ELMO1: variants seen among roughly 807,000 people sequenced by gnomAD.
The protein encoded by ELMO1 is engulfment and cell motility 1, also known as engulfment and cell motility protein 1.
A neutral mutation model predicts 98.9 loss-of-function variants in ELMO1; 26 were observed. That is an observed-to-expected ratio of 0.26 (90% CI 0.19 to 0.36). The LOEUF is 0.36. Ranked by LOEUF, ELMO1 falls within the 10% of genes least tolerant of loss-of-function variation. The probability of loss-of-function intolerance (pLI) is 1.00; values close to 1 mark genes in which losing one functional copy is unlikely to be tolerated. For missense variants in ELMO1, 627 were observed against 935.2 expected, an observed-to-expected ratio of 0.67 and a Z score of 4.30; for synonymous variants, 346 against 346.0, an observed-to-expected ratio of 1.00 and a Z score of 0.00.
At position 36,961,882 on chromosome 7, in the gene ELMO1, C is replaced by T. The variant is rs372429939; in HGVS notation, c.1437+51417G>A. On this transcript the variant is annotated intron_variant, in intron 16 of 21. Transcript: ENST00000310758. Reference sequence around the variant, plus strand: ...GCATGTAAATAGTATTGTCCCAGAGCAAATCTTCAGTTTCAACTACCTGCT... The same window carrying T: ...GCATGTAAATAGTATTGTCCCAGAGTAAATCTTCAGTTTCAACTACCTGCT... Among the ~76,000 whole-genome samples the T allele has an allele frequency of 1.5e-4, 23 of 152,312 alleles. No individual in the cohort carries two copies. In the East Asian group the frequency reaches 2.5e-3, roughly 17 times the overall value.
intron 20 of ELMO1, among the ~76,000 whole-genome samples, chr7:36,868,166 A>G (rs1368534978): frequency 6.6e-6 from 1 of 152,188 alleles, no homozygotes; most frequent in Non-Finnish European, 1.5e-5. Context: ...TATCAGTTTC[A>G]TAACTCATGG....
At chr7:37,009,814 T>C (rs1793422594) in intron 16 of ELMO1, among the ~76,000 whole-genome samples, 1 of 152,230 alleles carries the variant, frequency 6.6e-6, no homozygotes, top group African/African-American at 2.4e-5. Flanking sequence ...ATTTCTGAAT[T>C]TGAATTTGGA....
chr7:37,033,259 A>G (rs1794979444), intron 15 of ELMO1: 1 of 400,740 alleles, frequency 2.5e-6, no homozygotes, highest in African/African-American at 2.1e-5. Context: ...GCTAAGTCCA[A>G]ATTGTTCCCC....
intron 16 of ELMO1, 123 bp downstream of exon 16, chr7:37,013,176 A>C: frequency 8.0e-7 from 1 of 1,249,670 alleles, no homozygotes; most frequent in Non-Finnish European, 1.1e-6. Flanking sequence ...TGAAGCAACT[A>C]TCATTGCAAT....
At chr7:37,367,337 C>T (rs1801944999) in intron 1 of ELMO1, among the ~76,000 whole-genome samples, 1 of 152,204 alleles carries the variant, frequency 6.6e-6, no homozygotes, top group African/African-American at 2.4e-5. Flanking sequence ...CAATGTTACA[C>T]ACCGGTCTAT....
chr7:37,433,820 T>C (rs538088875), intron 1 of ELMO1, among the ~76,000 whole-genome samples: 1 of 152,224 alleles, frequency 6.6e-6, no homozygotes, highest in African/African-American at 2.4e-5. Context: ...CCCCTGTACA[T>C]GCGCTGTCTC....
intron 16 of ELMO1, among the ~76,000 whole-genome samples, chr7:36,906,131 C>T (rs1404984537): frequency 2.0e-5 from 3 of 152,218 alleles, no homozygotes; most frequent in African/African-American, 7.2e-5. Flanking sequence ...CTGCTGAACT[C>T]AGAGGAAATC....
chr7:37,311,663 G>C (rs572798062), intron 4 of ELMO1, among the ~76,000 whole-genome samples: 2 of 152,294 alleles, frequency 1.3e-5, no homozygotes, highest in African/African-American at 4.8e-5. Context: ...TGCTCTGTGC[G>C]TGCTGAGCTC....
intron 15 of ELMO1, among the ~76,000 whole-genome samples, chr7:37,093,273 T>A (rs1784215726): frequency 6.6e-6 from 1 of 152,194 alleles, no homozygotes; most frequent in African/African-American, 2.4e-5. Context: ...CACCAAAATA[T>A]AATTGGTATT....
chr7:37,406,311 A>T (rs759356346), intron 1 of ELMO1, among the ~76,000 whole-genome samples: 14 of 151,662 alleles, frequency 9.2e-5, no homozygotes, highest in Admixed American at 2.0e-4. Context: ...CCTCATGGCA[A>T]ATATGAAAGA....
chr7:36,868,732 T>G (rs1437064739), intron 20 of ELMO1, among the ~76,000 whole-genome samples: 1 of 152,182 alleles, frequency 6.6e-6, no homozygotes, highest in African/African-American at 2.4e-5. Context: ...TCCACACCTA[T>G]TTTACATAAT....
chr7:36,930,395 GA>G (rs560794035), intron 16 of ELMO1, among the ~76,000 whole-genome samples: 12 of 152,292 alleles, frequency 7.9e-5, no homozygotes, highest in Non-Finnish European at 1.8e-4. Flanking sequence ...AAAAAGAGTA[GA>G]AAGTCTAGCT....
chr7:37,366,959 A>T (rs1374505085), intron 1 of ELMO1, among the ~76,000 whole-genome samples: 2 of 152,026 alleles, frequency 1.3e-5, no homozygotes, highest in Admixed American at 1.3e-4. Flanking sequence ...CTACTAAAAT[A>T]TACTTACATA....
In ELMO1 at chr7:37,250,791, C is replaced by CAAA. The variant is rs574487076; in HGVS notation, c.414-6403_414-6401dup. On this transcript the variant is annotated intron_variant, in intron 6 of 21. Transcript: ENST00000310758. ...TGGGTGACAAAGCAAGACTCCGTCT[C>CAAA]AAAAAAAAAAAAAAAAAAAACCAGA... 1.7e-3 allele frequency among the ~76,000 whole-genome samples: 109 copies of CAAA among 64,770 alleles called. 1 individual carries two copies. The highest frequency in any genetic ancestry group is 5.0e-3 in the African/African-American group (93 of 18,422). 42.5% of individuals were successfully genotyped at this position (64,770 alleles called of 152,430 possible).
intron 2 of ELMO1, among the ~76,000 whole-genome samples, chr7:37,335,091 T>A (rs1800326637): frequency 6.6e-6 from 1 of 150,390 alleles, no homozygotes; most frequent in Non-Finnish European, 1.5e-5. Context: ...TCAAGAGAAG[T>A]GAGCATGAAA....
intron 16 of ELMO1, among the ~76,000 whole-genome samples, chr7:36,995,800 G>A (rs967316805): frequency 1.3e-5 from 2 of 152,094 alleles, no homozygotes; most frequent in Non-Finnish European, 2.9e-5. Context: ...TTCCCCCCTT[G>A]AATGACTATG....
intron 13 of ELMO1, among the ~76,000 whole-genome samples, chr7:37,208,389 C>T (rs1792758451): frequency 6.6e-6 from 1 of 152,218 alleles, no homozygotes; most frequent in Admixed American, 6.5e-5. Flanking sequence ...TCATGTAATG[C>T]TTGCTGGGCA....
chr7:37,041,194 G>C (rs1353614809), intron 15 of ELMO1, among the ~76,000 whole-genome samples: 1 of 152,196 alleles, frequency 6.6e-6, no homozygotes, highest in African/African-American at 2.4e-5. Context: ...CTATAGGAAA[G>C]AGGGAAAAAC....
intron 4 of ELMO1, among the ~76,000 whole-genome samples, chr7:37,284,395 A>C (rs1797287386): frequency 6.6e-6 from 1 of 152,196 alleles, no homozygotes; most frequent in Non-Finnish European, 1.5e-5. Flanking sequence ...TGAGATGGGA[A>C]GGGAATGCGT....
Sources: allele counts gnomAD v4.1 joint callset (sites outside exome capture counted in the v4.1 genomes callset), GRCh38; gene constraint gnomAD v4.1.1; transcripts MANE v1.5; gene names NCBI Gene and HGNC (gene_info 2026-07-23, HGNC 2026-07-21).